The following SDK1 variants were observed in gnomAD, a reference collection of about 807,000 sequenced individuals.
SDK1 encodes sidekick cell adhesion molecule 1.
Under a neutral mutation model 245.5 loss-of-function variants are expected in SDK1, and 157 were observed. The observed-to-expected ratio is 0.64, with a 90% CI of 0.56 to 0.73. The LOEUF (loss-of-function observed/expected upper bound fraction) is 0.73, where lower values mean the gene tolerates loss of function less well. Among genes scored for constraint, SDK1 ranks in the 30% least tolerant of loss-of-function variants. The pLI, the probability that SDK1 is intolerant of heterozygous loss-of-function variation, is 0.00. For synonymous variants in SDK1, 1,647 were observed against 1,278.5 expected, an observed-to-expected ratio of 1.29 and a Z score of -6.15; for missense variants, 3,583 against 3,002.3, an observed-to-expected ratio of 1.19 and a Z score of -4.52.
chr7:3,655,450 T>TATATAC, intron 4 of SDK1, among the ~76,000 whole-genome samples: 1 of 4,134 alleles, frequency 2.4e-4, no homozygotes, highest in Non-Finnish European at 4.9e-4. Flanking sequence ...ACAAAACAAA[T>TATATAC]ATATATATAT....
intron 4 of SDK1, among the ~76,000 whole-genome samples, chr7:3,739,015 A>G (rs779294585): frequency 4.6e-5 from 7 of 151,706 alleles, no homozygotes; most frequent in Non-Finnish European, 1.0e-4. Context: ...AAGATCGTTT[A>G]TCTAAGAATA....
intron 5 of SDK1, among the ~76,000 whole-genome samples, chr7:3,928,036 G>A (rs746198240): frequency 3.3e-4 from 50 of 152,134 alleles, no homozygotes; most frequent in Non-Finnish European, 5.7e-4. Context: ...GGAAATTGAC[G>A]ACTTATCTTT....
At chr7:4,174,176 G>A in intron 32 of SDK1, 46 bp from the exon 33 acceptor site, 1 of 1,608,184 alleles carries the variant, frequency 6.2e-7, no homozygotes, top group Admixed American at 1.7e-5. Flanking sequence ...CAGGCCAGCT[G>A]GGTTGACTCC....
intron 1 of SDK1, among the ~76,000 whole-genome samples, chr7:3,342,938 G>T (rs1296685665): frequency 2.0e-5 from 3 of 149,676 alleles, no homozygotes; most frequent in Non-Finnish European, 4.4e-5. Context: ...CATACATTCA[G>T]TATTACTAGC....
At position 4,147,729 on chromosome 7, in the gene SDK1, C is replaced by T. The variant is rs530760719; in HGVS notation, c.4424-1533C>T. Among the ~76,000 whole-genome samples, 3 of 152,320 alleles carry T rather than the reference C, an allele frequency of 2.0e-5. No individual in the cohort carries two copies. The East Asian group carries it at 5.8e-4, about 29-fold the overall frequency. On this transcript the variant is annotated intron_variant, in intron 29 of 44. Transcript: ENST00000404826. ...AGGGATGCCCTGTGAAAGGAGCGCC[C>T]CTATCCCCCTGCTGCCACCCTGGGT...
intron 35 of SDK1, among the ~76,000 whole-genome samples, chr7:4,198,780 C>A (rs10272648): frequency 6.6e-6 from 1 of 151,244 alleles, no homozygotes; most frequent in Non-Finnish European, 1.5e-5. Context: ...CCCCTCGAAG[C>A]CTCAGCTTTC....
chr7:3,481,276 G>A (rs1781513076), intron 1 of SDK1, among the ~76,000 whole-genome samples: 1 of 152,164 alleles, frequency 6.6e-6, no homozygotes, highest in Non-Finnish European at 1.5e-5. Flanking sequence ...ACTTGTTCAA[G>A]ATCACACAAT....
intron 4 of SDK1, among the ~76,000 whole-genome samples, chr7:3,657,797 G>A (rs1441904507): frequency 6.6e-6 from 1 of 152,206 alleles, no homozygotes; most frequent in Non-Finnish European, 1.5e-5. Flanking sequence ...CGACATGCTA[G>A]TAAAGAAAGC....
At chr7:3,699,392 A>C (rs779955477) in intron 4 of SDK1, among the ~76,000 whole-genome samples, 10 of 152,202 alleles carry the variant, frequency 6.6e-5, no homozygotes, top group Non-Finnish European at 1.3e-4. Context: ...GAAAGAAAAA[A>C]GAGGCCATTT....
At chr7:4,040,096 G>T (rs1788506381) in intron 17 of SDK1, among the ~76,000 whole-genome samples, 1 of 152,190 alleles carries the variant, frequency 6.6e-6, no homozygotes, top group African/African-American at 2.4e-5. Flanking sequence ...GTGGTGAGGA[G>T]CAGGAGGAAA....
chr7:3,355,002 A>C (rs192893725), intron 1 of SDK1, among the ~76,000 whole-genome samples: 61 of 152,326 alleles, frequency 4.0e-4, no homozygotes, highest in African/African-American at 1.3e-3. Flanking sequence ...ATATGATTAT[A>C]ATTAAGCTAC....
At chr7:4,195,447 G>A (rs570061874) in intron 35 of SDK1, among the ~76,000 whole-genome samples, 11 of 152,136 alleles carry the variant, frequency 7.2e-5, no homozygotes, top group South Asian at 4.1e-4. Context: ...CCTCCCCCAC[G>A]TCACTCTCCA....
chr7:3,740,379 G>A (rs911412304), intron 4 of SDK1, among the ~76,000 whole-genome samples: 2 of 152,098 alleles, frequency 1.3e-5, no homozygotes, highest in African/African-American at 4.8e-5. Context: ...TCCATTTAAG[G>A]TTTTTGGTCT....
At position 4,265,257 on chromosome 7, in the gene SDK1, C is replaced by A. The variant is rs780020133; in HGVS notation, c.6515C>A (p.Ala2172Glu). 1 of 1,600,944 alleles carries A rather than the reference C, an allele frequency of 6.2e-7. No homozygotes were observed. The highest frequency in any genetic ancestry group is 1.1e-5 in the South Asian group (1 of 90,582). The change falls in exon 45 of 45, where the codon GCG becomes GAG. Residue 2172 changes from alanine (A) to glutamate (E), a missense_variant. Coordinates refer to ENST00000404826, the MANE Select transcript of SDK1 (RefSeq NM_152744.4). ...GRAPAPHRYE[A>E]VAGSEAGAQL... ...GCACCTGCGCCGCACAGGTACGAGG[C>A]GGTGGCGGGCTCCGAGGCGGGCGCG...
In SDK1 at chr7:3,927,893, A is replaced by G. The variant is rs28544413; in HGVS notation, c.848-23030A>G. Among the ~76,000 whole-genome samples the G allele has an allele frequency of 9.6e-3, 1,468 of 152,338 alleles. 27 individuals are homozygous for G. The highest frequency in any genetic ancestry group is 0.034 in the African/African-American group (1,402 of 41,560). Reference sequence around the variant, plus strand: ...AATGGTTGTTCCTCACCGCAGAACTACAGGAATGACCCTTACAAATGAGCA... The same window carrying G: ...AATGGTTGTTCCTCACCGCAGAACTGCAGGAATGACCCTTACAAATGAGCA... On this transcript the variant is annotated intron_variant, in intron 5 of 44. Coordinates refer to ENST00000404826, the MANE Select transcript of SDK1 (RefSeq NM_152744.4).
At chr7:3,375,949 C>T (rs1023734650) in intron 1 of SDK1, among the ~76,000 whole-genome samples, 17 of 152,214 alleles carry the variant, frequency 1.1e-4, no homozygotes, top group Admixed American at 2.6e-4. Flanking sequence ...AGTAACTGAT[C>T]AGATGGATTA....
chr7:3,634,688 G>C (rs906735499), intron 2 of SDK1, among the ~76,000 whole-genome samples: 2 of 152,190 alleles, frequency 1.3e-5, no homozygotes, highest in African/African-American at 4.8e-5. Flanking sequence ...CCATCTGTTA[G>C]GTGAACATAA....
At chr7:3,819,989 T>G (rs1281078577) in intron 4 of SDK1, among the ~76,000 whole-genome samples, 1 of 152,170 alleles carries the variant, frequency 6.6e-6, no homozygotes, top group Non-Finnish European at 1.5e-5. Flanking sequence ...CCCTATAGAG[T>G]ACCACAATTG....
At chr7:3,725,063 C>T (rs755603289) in intron 4 of SDK1, among the ~76,000 whole-genome samples, 36 of 152,174 alleles carry the variant, frequency 2.4e-4, no homozygotes, top group African/African-American at 4.8e-5. Flanking sequence ...TGTGAATGGG[C>T]CTAGTTGTTA....
Sources: gnomAD v4.1 joint callset for allele counts (sites outside exome capture counted in the v4.1 genomes callset) on GRCh38, gnomAD v4.1.1 for gene constraint, MANE v1.5 for transcripts, NCBI Gene and HGNC (gene_info 2026-07-23, HGNC 2026-07-21) for gene names.